The following GPC5 variants were observed in gnomAD, a reference collection of about 807,000 sequenced individuals.
GPC5 encodes glypican 5, also known as glypican-5.
Under a neutral mutation model 53.9 loss-of-function variants are expected in GPC5, and 47 were observed. The ratio of observed to expected loss-of-function variants is 0.87; its 90% CI spans 0.69 to 1.11. The LOEUF is 1.11. GPC5 is among the 50% of genes most tolerant of loss of function. The pLI, the probability that GPC5 is intolerant of heterozygous loss-of-function variation, is 0.00. For synonymous variants in GPC5, 286 were observed against 263.3 expected (o/e 1.09, Z -0.84); for missense variants, 748 against 713.1 (o/e 1.05, Z -0.56).
rs1029240336 is a variant in GPC5 at position 91,448,178 on chromosome 13, C to T, written c.164-583C>T. 2.6e-4 allele frequency among the ~76,000 whole-genome samples: 40 copies of T among 152,314 alleles called. 1 individual carries two copies. The highest frequency in any genetic ancestry group is 9.1e-4 in the African/African-American group (38 of 41,582). ...GCTTTTAAAGGAGGGGATTGTCTCTCGCCAGCTATATAGTGAGTGGAATCT... is the reference window on the plus strand; with the variant it reads ...GCTTTTAAAGGAGGGGATTGTCTCTTGCCAGCTATATAGTGAGTGGAATCT... On this transcript the variant is annotated intron_variant, in intron 1 of 7. Coordinates refer to ENST00000377067, the MANE Select transcript of GPC5 (RefSeq NM_004466.6).
chr13:91,426,602 T>C (rs1879073196), intron 1 of GPC5, among the ~76,000 whole-genome samples: 1 of 152,104 alleles, frequency 6.6e-6, no homozygotes, highest in Non-Finnish European at 1.5e-5. Context: ...ATCACTGGTG[T>C]AGGTTCAAGA....
At chr13:92,017,849 CAA>C (rs770340661) in intron 6 of GPC5, among the ~76,000 whole-genome samples, 1 of 151,298 alleles carries the variant, frequency 6.6e-6, no homozygotes, top group Non-Finnish European at 1.5e-5. Flanking sequence ...CACACTTCCA[CAA>C]AATACACACA....
At chr13:92,368,898 T>C (rs1212808574) in intron 7 of GPC5, among the ~76,000 whole-genome samples, 1 of 152,158 alleles carries the variant, frequency 6.6e-6, no homozygotes, top group East Asian at 1.9e-4. Context: ...AGGGTAGTTA[T>C]TGGCTTTCTG....
intron 5 of GPC5, among the ~76,000 whole-genome samples, chr13:91,818,804 C>T (rs1049377957): frequency 2.0e-5 from 3 of 152,114 alleles, no homozygotes; most frequent in African/African-American, 4.8e-5. Context: ...TATATAAATA[C>T]AAGATGTTTT....
At chr13:92,627,801 T>C (rs187811419) in intron 7 of GPC5, among the ~76,000 whole-genome samples, 16 of 152,322 alleles carry the variant, frequency 1.1e-4, no homozygotes, top group Admixed American at 3.3e-4. Context: ...TACAAATATA[T>C]GTTCTCCTAT....
In GPC5 at chr13:92,573,607, G is replaced by A. The variant is rs193041895; in HGVS notation, c.1562-292675G>A. 1.6e-3 allele frequency among the ~76,000 whole-genome samples: 240 copies of A among 152,144 alleles called. 1 individual carries two copies. Among genetic ancestry groups the A allele is most frequent in the African/African-American group, 5.3e-3 (219 of 41,508 alleles). ...AGTGAGTACATTGTTAAAATTTCTC[G>A]GTAGAGGGCGATATAGTGACATTAC... is the stretch of plus-strand genomic sequence containing the variant. On this transcript the variant is annotated intron_variant, in intron 7 of 7. Coordinates refer to ENST00000377067, the MANE Select transcript of GPC5 (RefSeq NM_004466.6).
chr13:91,598,351 A>G (rs1377807410), intron 2 of GPC5, among the ~76,000 whole-genome samples: 1 of 152,034 alleles, frequency 6.6e-6, no homozygotes, highest in East Asian at 1.9e-4. Context: ...AATTATATAA[A>G]TATTTATAAA....
rs573930726 is a variant in GPC5 at position 91,741,177 on chromosome 13, A to G, written c.1154+12512A>G. Among the ~76,000 whole-genome samples, 131 of 152,272 alleles carry G rather than the reference A, an allele frequency of 8.6e-4. 1 individual carries two copies. The highest frequency in any genetic ancestry group is 6.8e-4 in the Non-Finnish European group (46 of 68,026). On this transcript the variant is annotated intron_variant, in intron 4 of 7. Transcript: ENST00000377067. ...AAGGTGGGGAATGCAGAATTTTTAG[A>G]AATATTGGATTTTTTTGAAACAAAA...
At chr13:92,786,709 T>C (rs1876245387) in intron 7 of GPC5, among the ~76,000 whole-genome samples, 1 of 152,256 alleles carries the variant, frequency 6.6e-6, no homozygotes, top group South Asian at 2.1e-4. Context: ...GTAGCCACGT[T>C]CAAGGACAAA....
intron 7 of GPC5, among the ~76,000 whole-genome samples, chr13:92,415,937 GAC>G (rs1377755528): frequency 6.6e-6 from 1 of 152,158 alleles, no homozygotes; most frequent in Admixed American, 6.5e-5. Context: ...GCAGATTGAA[GAC>G]ATATTTAAGC....
intron 7 of GPC5, among the ~76,000 whole-genome samples, chr13:92,748,161 G>A (rs1026076870): frequency 1.3e-5 from 2 of 151,900 alleles, no homozygotes; most frequent in African/African-American, 4.8e-5. Flanking sequence ...AAAATAGTAT[G>A]TTGCCAGTTT....
intron 2 of GPC5, among the ~76,000 whole-genome samples, chr13:91,564,011 C>G (rs6492554): frequency 0.4 from 61,377 of 151,986 alleles, 14,624 homozygotes; most frequent in African/African-American, 0.68. Flanking sequence ...CCAACCAACT[C>G]CTCTTTTGGG....
chr13:91,821,740 T>C (rs1056304425), intron 5 of GPC5, among the ~76,000 whole-genome samples: 4 of 152,140 alleles, frequency 2.6e-5, no homozygotes, highest in African/African-American at 9.7e-5. Flanking sequence ...TATTAATGGA[T>C]GCTAACTAAT....
chr13:92,669,866 T>C (rs901206921), intron 7 of GPC5, among the ~76,000 whole-genome samples: 1 of 152,174 alleles, frequency 6.6e-6, no homozygotes, highest in Non-Finnish European at 1.5e-5. Context: ...TCAATAGCCA[T>C]AGGCTTTAGT....
intron 6 of GPC5, among the ~76,000 whole-genome samples, chr13:91,936,382 G>A (rs188993606): frequency 7.2e-5 from 11 of 152,020 alleles, no homozygotes; most frequent in Admixed American, 3.3e-4. Context: ...AACCTATAAC[G>A]TTTCTGCTTA....
chr13:91,513,165 CTT>C (rs1294788305), intron 2 of GPC5, among the ~76,000 whole-genome samples: 1 of 152,096 alleles, frequency 6.6e-6, no homozygotes, highest in Non-Finnish European at 1.5e-5. Flanking sequence ...TCATTAAACT[CTT>C]TATATTGTGA....
chr13:92,119,959 G>A (rs1165357093), intron 6 of GPC5, among the ~76,000 whole-genome samples: 1 of 152,112 alleles, frequency 6.6e-6, no homozygotes, highest in Non-Finnish European at 1.5e-5. Context: ...TAGCCCACTA[G>A]GAGTGGTCAT....
chr13:92,098,655 A>G (rs1013934181), intron 6 of GPC5, among the ~76,000 whole-genome samples: 1 of 152,204 alleles, frequency 6.6e-6, no homozygotes, highest in Non-Finnish European at 1.5e-5. Context: ...AGGGGAATTC[A>G]GCTTTCAGAT....
intron 4 of GPC5, among the ~76,000 whole-genome samples, chr13:91,730,910 T>A (rs148113851): frequency 2.9e-4 from 44 of 152,306 alleles, no homozygotes; most frequent in African/African-American, 1.0e-3. Context: ...TTAGAAACAT[T>A]GCTGAATTGT....
Sources: allele counts gnomAD v4.1 joint callset (sites outside exome capture counted in the v4.1 genomes callset), GRCh38; gene constraint gnomAD v4.1.1; transcripts MANE v1.5; gene names NCBI Gene and HGNC (gene_info 2026-07-23, HGNC 2026-07-21).